EPHA4: variants seen among roughly 807,000 people sequenced by gnomAD.
EPHA4 encodes the protein ephrin type-A receptor 4.
EPHA4 carries 19 observed loss-of-function variants against 108.3 expected under a neutral mutation model. The observed-to-expected ratio is 0.18, with a 90% CI of 0.12 to 0.26. The LOEUF is 0.26. Among genes scored for constraint, EPHA4 ranks in the 10% least tolerant of loss-of-function variants. The pLI is 1.00. For synonymous variants in EPHA4, 449 were observed against 455.5 expected (o/e 0.99, Z 0.18); for missense variants, 917 against 1,254.0 (o/e 0.73, Z 4.06).
intron 3 of EPHA4, among the ~76,000 whole-genome samples, chr2:221,516,144 G>A (rs1372155649): frequency 6.6e-6 from 1 of 152,130 alleles, no homozygotes; most frequent in Admixed American, 6.6e-5. Flanking sequence ...TGTAGAAGTG[G>A]AGGAAGTGAA....
intron 3 of EPHA4, among the ~76,000 whole-genome samples, chr2:221,508,262 G>T (rs911924918): frequency 6.6e-6 from 1 of 152,166 alleles, no homozygotes; most frequent in East Asian, 1.9e-4. Flanking sequence ...ATTTTGGAGT[G>T]GGGAGAGGGC....
intron 5 of EPHA4, among the ~76,000 whole-genome samples, chr2:221,463,017 A>G (rs935848854): frequency 2.6e-5 from 4 of 152,182 alleles, no homozygotes; most frequent in Non-Finnish European, 5.9e-5. Flanking sequence ...TAAGCCTCCA[A>G]AGATGGACTA....
At chr2:221,494,374 C>T (rs1247786318) in intron 4 of EPHA4, among the ~76,000 whole-genome samples, 2 of 152,190 alleles carry the variant, frequency 1.3e-5, no homozygotes, top group Non-Finnish European at 2.9e-5. Flanking sequence ...GAGGCCTAGG[C>T]GGGCGGATCG....
chr2:221,499,042 G>A (rs1350227058), intron 4 of EPHA4, among the ~76,000 whole-genome samples: 2 of 150,812 alleles, frequency 1.3e-5, no homozygotes, highest in Admixed American at 6.6e-5. Flanking sequence ...CGCCTGCCTC[G>A]GCCTCCCAAA....
chr2:221,552,367 C>T (rs1694186366), intron 3 of EPHA4, among the ~76,000 whole-genome samples: 1 of 152,200 alleles, frequency 6.6e-6, no homozygotes, highest in African/African-American at 2.4e-5. Context: ...GTCAATTCCT[C>T]TTGCATCCAT....
At chr2:221,544,387 AC>A (rs1261525313) in intron 3 of EPHA4, among the ~76,000 whole-genome samples, 1 of 152,064 alleles carries the variant, frequency 6.6e-6, no homozygotes, top group East Asian at 1.9e-4. Flanking sequence ...GTGCAATGGC[AC>A]TATCTCAGCT....
chr2:221,490,899 C>T (rs1692122586), intron 4 of EPHA4, among the ~76,000 whole-genome samples: 1 of 152,198 alleles, frequency 6.6e-6, no homozygotes, highest in Admixed American at 6.5e-5. Flanking sequence ...TCCCTCCTGA[C>T]ATATATGAAC....
rs937377352 is a variant in EPHA4, at chr2:221,458,057, A to G, written c.1319-67T>C. On this transcript the variant is annotated intron_variant, in intron 5 of 17. Coordinates refer to ENST00000281821, the MANE Select transcript of EPHA4 (RefSeq NM_004438.5). ...AAAATAAATGGTTTTGGTGGTAGCC[A>G]GAAATAATTTCATCTTATTTAAGAA... The G allele has an allele frequency of 9.4e-5, 146 of 1,561,274 alleles. No individual in the cohort carries two copies. In the East Asian group the frequency reaches 2.9e-3, roughly 31 times the overall value.
chr2:221,520,547 G>C (rs866572918), intron 3 of EPHA4, among the ~76,000 whole-genome samples: 59 of 138,866 alleles, frequency 4.2e-4, no homozygotes, highest in South Asian at 1.9e-3. Context: ...CACACACAGA[G>C]AGAGAGAGAG....
Position 221,443,675 on chromosome 2 carries a change from G to T in EPHA4, c.1775-69C>A, listed in dbSNP as rs1318459156. On this transcript the variant is annotated intron_variant, in intron 9 of 17. Transcript: ENST00000281821. ...CCACTAATAAACATAAATAGTCTGG[G>T]TCTAAAATTACCAAACATAGGAAAA... is the stretch of plus-strand genomic sequence containing the variant. 11 of 1,145,498 alleles carry T rather than the reference G, an allele frequency of 9.6e-6. No homozygotes were observed. The East Asian group carries it at 2.4e-4, about 25-fold the overall frequency. The allele number at this position is 1,145,498 out of a possible 1,614,324, so 71.0% of individuals were successfully genotyped here.
chr2:221,450,609 C>G (rs376450808), intron 8 of EPHA4, among the ~76,000 whole-genome samples: 1 of 152,052 alleles, frequency 6.6e-6, no homozygotes, highest in Non-Finnish European at 1.5e-5. Flanking sequence ...ATGTGACCTT[C>G]GTTTATTTGT....
At chr2:221,442,492 A>C (rs1690457989) in intron 11 of EPHA4, among the ~76,000 whole-genome samples, 1 of 152,188 alleles carries the variant, frequency 6.6e-6, no homozygotes, top group Non-Finnish European at 1.5e-5. Flanking sequence ...CTTTATAGGA[A>C]AAGTACTTAA....
At position 221,426,617 on chromosome 2, in the gene EPHA4, G is replaced by A. The variant is rs1689919724; in HGVS notation, c.2693C>T (p.Pro898Leu). 6.2e-7 allele frequency: 1 copy of A among 1,610,520 alleles called. No homozygotes were observed. Among genetic ancestry groups the A allele is most frequent in the African/African-American group, 1.3e-5 (1 of 74,666 alleles). Residue 898 changes from proline to leucine, a missense_variant and splice_region_variant, in exon 16 of 18, where the codon CCT (proline) becomes CTT (leucine). By Grantham distance (98) the Pro-to-Leu change is moderately conservative (BLOSUM62 -3). Coordinates refer to ENST00000281821, the MANE Select transcript of EPHA4 (RefSeq NM_004438.5). ...LKRTGTESSR[P>L]NTALLDPSSP... ...GCTTGGATCCAACAAGGCAGTGTTA[G>A]GTCTAGAAAGAGAACAAGAAAATAT...
chr2:221,502,612 A>G lies in EPHA4; in HGVS notation c.824-1440T>C, dbSNP rs564669859. On this transcript the variant is annotated intron_variant, in intron 3 of 17. Transcript: ENST00000281821. ...ATCATCTCACTGTCACTACTCATCC[A>G]TCAAGCATCTGTATGGCTTCCAGCT... 43 of 470,962 alleles carry G rather than the reference A, an allele frequency of 9.1e-5. 1 individual carries two copies. Among genetic ancestry groups the G allele is most frequent in the South Asian group, 6.5e-4 (42 of 64,546 alleles). 29.2% of individuals were successfully genotyped at this position (470,962 alleles called of 1,614,324 possible). A position where few individuals can be genotyped will look rare whatever the true frequency, so the allele number is the denominator to read the frequency against.
intron 3 of EPHA4, among the ~76,000 whole-genome samples, chr2:221,536,693 T>G (rs1436143317): frequency 6.6e-6 from 1 of 152,216 alleles, no homozygotes; most frequent in Non-Finnish European, 1.5e-5. Flanking sequence ...AATGTGAGAA[T>G]ATGACCAAAT....
chr2:221,549,793 C>A (rs1268203990), intron 3 of EPHA4, among the ~76,000 whole-genome samples: 1 of 152,150 alleles, frequency 6.6e-6, no homozygotes. Context: ...TCGAGACTAG[C>A]CTGGTCAACA....
At chr2:221,436,633 A>G in intron 12 of EPHA4, 25 bp from the exon 13 acceptor site, 1 of 1,608,802 alleles carries the variant, frequency 6.2e-7, no homozygotes, top group Non-Finnish European at 8.5e-7. Flanking sequence ...AGTGAGGAAC[A>G]ATCTCATTAG....
At position 221,509,252 on chromosome 2, in the gene EPHA4, C is replaced by A. The variant is rs556921953; in HGVS notation, c.824-8080G>T. Among the ~76,000 whole-genome samples the A allele has an allele frequency of 2.0e-5, 3 of 152,266 alleles. No individual in the cohort carries two copies. The East Asian group carries it at 5.8e-4, about 29-fold the overall frequency. On this transcript the variant is annotated intron_variant, in intron 3 of 17. Coordinates refer to ENST00000281821, the MANE Select transcript of EPHA4 (RefSeq NM_004438.5). Reference sequence around the variant, plus strand: ...CTGAGGTAGGAGAATCACTTGAACCCGGGAGGCGGAGGTTGCAGTGAGCCG... The same window carrying A: ...CTGAGGTAGGAGAATCACTTGAACCAGGGAGGCGGAGGTTGCAGTGAGCCG...
intron 3 of EPHA4, among the ~76,000 whole-genome samples, chr2:221,514,702 G>A (rs989058955): frequency 1.3e-5 from 2 of 152,128 alleles, no homozygotes; most frequent in Non-Finnish European, 2.9e-5. Flanking sequence ...GTCAGAATCT[G>A]CTCATTTGTT....
Sources: allele counts gnomAD v4.1 joint callset (sites outside exome capture counted in the v4.1 genomes callset), GRCh38; gene constraint gnomAD v4.1.1; transcripts MANE v1.5; gene names NCBI Gene and HGNC (gene_info 2026-07-23, HGNC 2026-07-21).